Variants in LINGO2 observed in about 807,000 individuals in gnomAD.
LINGO2 encodes leucine-rich repeat and immunoglobulin-like domain-containing nogo receptor-interacting protein 2.
LINGO2 carries 14 observed loss-of-function variants against 30.6 expected under a neutral mutation model. The observed-to-expected ratio is 0.46, with a 90% CI of 0.30 to 0.72. The LOEUF is 0.72. Ranked by LOEUF, LINGO2 falls within the 30% of genes least tolerant of loss-of-function variation. The pLI, the probability that LINGO2 is intolerant of heterozygous loss-of-function variation, is 0.07. For synonymous variants in LINGO2, 317 were observed against 288.5 expected (o/e 1.10, Z -1.00); for missense variants, 729 against 751.7 (o/e 0.97, Z 0.35).
chr9:28,860,399 C>T, the LINGO2 span, among the ~76,000 whole-genome samples: 1 of 151,988 alleles, frequency 6.6e-6, no homozygotes, highest in Non-Finnish European at 1.5e-5. Context: ...CAAAGACTGA[C>T]CTTCCCCATG....
intron 1 of LINGO2, among the ~76,000 whole-genome samples, chr9:28,506,505 C>CATATATATATATATATATATATAT (rs773033942): frequency 1.2e-5 from 1 of 84,408 alleles, no homozygotes; most frequent in East Asian, 3.5e-4. Flanking sequence ...CACACACAGA[C>CATATATATATATATATATATATAT]ATATATATAT....
chr9:29,113,173 C>G, the LINGO2 span, among the ~76,000 whole-genome samples: 305 of 152,208 alleles, frequency 2.0e-3, 1 homozygote, highest in African/African-American at 7.0e-3. Context: ...AATACTTGCA[C>G]TAACTTATTA....
chr9:28,395,532 T>TG (rs1822004991), intron 2 of LINGO2, among the ~76,000 whole-genome samples: 1 of 90,254 alleles, frequency 1.1e-5, no homozygotes, highest in Non-Finnish European at 2.7e-5. Flanking sequence ...ATAACAGAAG[T>TG]GAAAAAAAAA....
At chr9:28,688,353 T>C in the LINGO2 span, among the ~76,000 whole-genome samples, 4 of 152,304 alleles carry the variant, frequency 2.6e-5, no homozygotes, top group East Asian at 7.7e-4. Context: ...TCAGAAGTTA[T>C]CAAAACAAAG....
At chr9:29,140,144 T>A in the LINGO2 span, among the ~76,000 whole-genome samples, 1 of 152,028 alleles carries the variant, frequency 6.6e-6, no homozygotes, top group Admixed American at 6.6e-5. Flanking sequence ...TTTTCAAATG[T>A]ATAGAATTCA....
chr9:28,844,555 C>A, the LINGO2 span, among the ~76,000 whole-genome samples: 1 of 151,640 alleles, frequency 6.6e-6, no homozygotes, highest in Non-Finnish European at 1.5e-5. Flanking sequence ...TTTTATAAAA[C>A]ATTGTTCTTT....
intron 4 of LINGO2, among the ~76,000 whole-genome samples, chr9:28,222,854 C>T (rs1251561186): frequency 6.6e-6 from 1 of 152,148 alleles, no homozygotes; most frequent in African/African-American, 2.4e-5. Flanking sequence ...CGATTACATA[C>T]AGCTTTAAGG....
chr9:28,858,250 C>T, the LINGO2 span, among the ~76,000 whole-genome samples: 1 of 151,992 alleles, frequency 6.6e-6, no homozygotes, highest in Admixed American at 6.6e-5. Flanking sequence ...TTGTTCTTCT[C>T]TAAGAGTGTC....
intron 4 of LINGO2, among the ~76,000 whole-genome samples, chr9:28,019,531 A>G (rs1045779545): frequency 6.6e-5 from 10 of 152,148 alleles, no homozygotes; most frequent in Non-Finnish European, 1.2e-4. Context: ...ATAATCAGGT[A>G]TATTTAATCT....
intron 4 of LINGO2, among the ~76,000 whole-genome samples, chr9:28,207,854 T>TGAAAGA (rs1474449469): frequency 6.6e-6 from 1 of 152,060 alleles, no homozygotes; most frequent in African/African-American, 2.4e-5. Context: ...TTTTGAAAAC[T>TGAAAGA]GAAAGAGAAA....
the LINGO2 span, among the ~76,000 whole-genome samples, chr9:28,860,720 A>G: frequency 6.7e-6 from 1 of 149,956 alleles, no homozygotes; most frequent in Non-Finnish European, 1.5e-5. Flanking sequence ...TAAAGAATGA[A>G]ACATAACAGG....
At chr9:28,090,960 C>T (rs1376934065) in intron 4 of LINGO2, among the ~76,000 whole-genome samples, 2 of 152,122 alleles carry the variant, frequency 1.3e-5, no homozygotes, top group Non-Finnish European at 2.9e-5. Flanking sequence ...AACTCCCATT[C>T]ACAATTGTTT....
At chr9:28,445,317 G>A (rs1031724164) in intron 2 of LINGO2, among the ~76,000 whole-genome samples, 2 of 152,004 alleles carry the variant, frequency 1.3e-5, no homozygotes, top group African/African-American at 2.4e-5. Flanking sequence ...TGTCCCAAAG[G>A]GCTGGAGATA....
chr9:28,553,735 G>C (rs1423530643), intron 1 of LINGO2, among the ~76,000 whole-genome samples: 1 of 151,818 alleles, frequency 6.6e-6, no homozygotes, highest in Non-Finnish European at 1.5e-5. Flanking sequence ...AAAATGTTAA[G>C]GGCAGCCAGA....
the LINGO2 span, among the ~76,000 whole-genome samples, chr9:28,779,794 A>G: frequency 6.6e-6 from 1 of 152,294 alleles, no homozygotes; most frequent in South Asian, 2.1e-4. Flanking sequence ...AAATTTAACT[A>G]GAACCTGATG....
the LINGO2 span, among the ~76,000 whole-genome samples, chr9:28,926,674 T>C: frequency 1.3e-5 from 2 of 152,178 alleles, no homozygotes; most frequent in Admixed American, 6.5e-5. Flanking sequence ...CTATTTTTAA[T>C]GTGTACGTAA....
chr9:27,983,365 G>A (rs762525798), intron 5 of LINGO2, among the ~76,000 whole-genome samples: 2 of 151,830 alleles, frequency 1.3e-5, no homozygotes, highest in Admixed American at 6.6e-5. Context: ...GGACCTTAAC[G>A]GAAAAGAGGC....
the LINGO2 span, among the ~76,000 whole-genome samples, chr9:29,125,366 T>G: frequency 6.6e-6 from 1 of 152,026 alleles, no homozygotes; most frequent in African/African-American, 2.4e-5. Context: ...CCATGGCACA[T>G]ATATACCTAT....
intron 2 of LINGO2, among the ~76,000 whole-genome samples, chr9:28,405,955 G>T (rs1341165333): frequency 6.6e-6 from 1 of 152,098 alleles, no homozygotes; most frequent in Non-Finnish European, 1.5e-5. Context: ...TATTAGCAAG[G>T]TATTAAGGTA....
Sources: gnomAD v4.1 joint callset for allele counts (sites outside exome capture counted in the v4.1 genomes callset) on GRCh38, gnomAD v4.1.1 for gene constraint, MANE v1.5 for transcripts, NCBI Gene and HGNC (gene_info 2026-07-23, HGNC 2026-07-21) for gene names.